The following SNRNP40 variants were observed in gnomAD, a reference collection of about 807,000 sequenced individuals.
SNRNP40 encodes the protein small nuclear ribonucleoprotein U5 subunit 40.
SNRNP40 carries 21 observed loss-of-function variants against 45.8 expected under a neutral mutation model. The observed-to-expected ratio is 0.46, with a 90% CI of 0.32 to 0.66. The LOEUF (loss-of-function observed/expected upper bound fraction) is 0.66. Among genes scored for constraint, SNRNP40 ranks in the 30% least tolerant of loss-of-function variants. SNRNP40 has a pLI of 0.03. For synonymous variants in SNRNP40, 142 were observed against 163.8 expected (o/e 0.87, Z 1.01); for missense variants, 344 against 439.1 (o/e 0.78, Z 1.94).
chr1:31,259,619 T>C lies in SNRNP40; in HGVS notation c.*453A>G. ...GTGGCCACATCATGCTCTATTCTGATTTATAGCAATCAAGCCTCAAAAAAA... is the reference window on the plus strand; with the variant it reads ...GTGGCCACATCATGCTCTATTCTGACTTATAGCAATCAAGCCTCAAAAAAA... On this transcript the variant is annotated 3_prime_UTR_variant, in exon 10 of 10. Transcript: ENST00000263694. The C allele has an allele frequency of 2.6e-6, 1 of 387,948 alleles. No individual in the cohort carries two copies. The highest frequency in any genetic ancestry group is 4.9e-6 in the Non-Finnish European group (1 of 202,808). 24.0% of individuals were successfully genotyped at this position (387,948 alleles called of 1,614,324 possible). A position where few individuals can be genotyped will look rare whatever the true frequency, so the allele number is the denominator to read the frequency against.
Position 31,275,289 on chromosome 1 carries a change from C to A in SNRNP40, c.655-3790G>T, listed in dbSNP as rs547433743. 2.6e-4 allele frequency among the ~76,000 whole-genome samples: 40 copies of A among 152,248 alleles called. 1 individual carries two copies. In the South Asian group the frequency reaches 4.8e-3, roughly 18 times the overall value. Reference sequence around the variant, plus strand: ...CTGAGTCTTTCTGATTGAAAAGGAGCCTCTCCTTTGCATGTTTAAAGAAAT... The same window carrying A: ...CTGAGTCTTTCTGATTGAAAAGGAGACTCTCCTTTGCATGTTTAAAGAAAT... On this transcript the variant is annotated intron_variant, in intron 5 of 9. Coordinates refer to ENST00000263694, the MANE Select transcript of SNRNP40 (RefSeq NM_004814.3).
chr1:31,286,721 A>G (rs1022406958), intron 4 of SNRNP40, among the ~76,000 whole-genome samples: 1 of 152,088 alleles, frequency 6.6e-6, no homozygotes, highest in Non-Finnish European at 1.5e-5. Context: ...CACACTGGTT[A>G]CCTACCCTGT....
intron 4 of SNRNP40, among the ~76,000 whole-genome samples, chr1:31,285,317 C>T (rs951620899): frequency 6.6e-6 from 1 of 151,278 alleles, no homozygotes; most frequent in Non-Finnish European, 1.5e-5. Flanking sequence ...GATCTCCGCT[C>T]ACTGCAACCT....
rs748966267 is a variant in SNRNP40 at position 31,261,502 on chromosome 1, C to CTT, written c.1024+25_1024+26dup. 3 of 1,481,038 alleles carry CTT rather than the reference C, an allele frequency of 2.0e-6. No individual in the cohort carries two copies. The Admixed American group carries it at 5.0e-5, about 25-fold the overall frequency. The allele number at this position is 1,481,038 out of a possible 1,614,324, so 91.7% of individuals were successfully genotyped here. A position where few individuals can be genotyped will look rare whatever the true frequency, so the allele number is the denominator to read the frequency against. On this transcript the variant is annotated intron_variant, in intron 9 of 9. Transcript: ENST00000263694. ...CCCTACGGGGAGATTTCCAGTTTCC[C>CTT]TTTCCCCCTCGTTGGGACAGACTTA...
intron 9 of SNRNP40, chr1:31,260,857 C>G: frequency 5.6e-6 from 3 of 531,308 alleles, no homozygotes; most frequent in Non-Finnish European, 7.2e-6. Context: ...GAGTGAGACT[C>G]TGTCTCAAAA....
intron 8 of SNRNP40, among the ~76,000 whole-genome samples, chr1:31,265,419 T>G (rs1645889196): frequency 6.6e-6 from 1 of 151,946 alleles, no homozygotes; most frequent in African/African-American, 2.4e-5. Context: ...TGTGCACCAT[T>G]GACCACATGT....
chr1:31,276,389 G>A (rs542512660), intron 5 of SNRNP40, among the ~76,000 whole-genome samples: 12 of 152,026 alleles, frequency 7.9e-5, no homozygotes, highest in African/African-American at 2.9e-4. Context: ...GCAAAAAAAT[G>A]GAAAGGAAAA....
At chr1:31,281,532 C>A in intron 4 of SNRNP40, 36 bp from the exon 5 acceptor site, 1 of 1,572,320 alleles carries the variant, frequency 6.4e-7, no homozygotes, top group East Asian at 2.3e-5. Flanking sequence ...TCAGCAACAT[C>A]ATTCTAAGAA....
intron 5 of SNRNP40, among the ~76,000 whole-genome samples, chr1:31,273,575 G>A (rs1645953729): frequency 6.6e-6 from 1 of 151,268 alleles, no homozygotes; most frequent in Non-Finnish European, 1.5e-5. Context: ...GGGAGGCGGA[G>A]GCTGCAGTGA....
intron 1 of SNRNP40, among the ~76,000 whole-genome samples, chr1:31,295,368 G>A (rs1646139240): frequency 6.6e-6 from 1 of 152,104 alleles, no homozygotes; most frequent in Admixed American, 6.5e-5. Flanking sequence ...GAGAGAGAGA[G>A]AAGCAATGTG....
chr1:31,261,139 G>A (rs909565569), intron 9 of SNRNP40: 30 of 569,630 alleles, frequency 5.3e-5, no homozygotes, highest in Non-Finnish European at 8.4e-5. Context: ...TCAGGAGTTC[G>A]TGACCACCCT....
At chr1:31,260,146 A>C in intron 9 of SNRNP40, 25 bp from the exon 10 acceptor site, 1 of 1,533,318 alleles carries the variant, frequency 6.5e-7, no homozygotes, top group Non-Finnish European at 8.8e-7. Flanking sequence ...ACAGATAACT[A>C]GAAATAATGA....
Position 31,259,982 on chromosome 1 carries a change from G to C in SNRNP40, c.*90C>G, listed in dbSNP as rs1292261876. Reference sequence around the variant, plus strand: ...GCTAGCAATGGTCATCTGAAGGGAGGGTGCTAGCCTGGACATCCAACATTT... The same window carrying C: ...GCTAGCAATGGTCATCTGAAGGGAGCGTGCTAGCCTGGACATCCAACATTT... On this transcript the variant is annotated 3_prime_UTR_variant, in exon 10 of 10. Coordinates refer to ENST00000263694, the MANE Select transcript of SNRNP40 (RefSeq NM_004814.3). 3.2e-6 allele frequency: 3 copies of C among 927,850 alleles called. No homozygotes were observed. The highest frequency in any genetic ancestry group is 3.6e-6 in the Non-Finnish European group (2 of 556,938). 57.5% of individuals were successfully genotyped at this position (927,850 alleles called of 1,614,324 possible).
intron 4 of SNRNP40, among the ~76,000 whole-genome samples, chr1:31,286,787 C>G (rs911159682): frequency 6.6e-6 from 1 of 152,146 alleles, no homozygotes; most frequent in Non-Finnish European, 1.5e-5. Flanking sequence ...ACTGCCCTGC[C>G]CAGTGTGGAT....
intron 1 of SNRNP40, among the ~76,000 whole-genome samples, chr1:31,293,959 AT>A (rs1313157037): frequency 2.0e-5 from 3 of 151,652 alleles, no homozygotes; most frequent in Middle Eastern, 6.8e-3. Flanking sequence ...TTTATTTTTA[AT>A]TTTTTTTGTG....
intron 5 of SNRNP40, among the ~76,000 whole-genome samples, chr1:31,277,949 C>T (rs973330835): frequency 6.6e-6 from 1 of 152,202 alleles, no homozygotes; most frequent in African/African-American, 2.4e-5. Context: ...CCTGCCTTGG[C>T]CTCTCAAAGT....
Position 31,289,381 on chromosome 1 carries a change from A to G in SNRNP40, c.404T>C (p.Val135Ala), listed in dbSNP as rs11550441. 2 of 1,614,064 alleles carry G rather than the reference A, an allele frequency of 1.2e-6. No individual in the cohort carries two copies. The highest frequency in any genetic ancestry group is 1.7e-6 in the Non-Finnish European group (2 of 1,179,980). Residue 135 changes from valine to alanine, a missense_variant, in exon 4 of 10, where the codon GTG becomes GCG. Physicochemically the swap from Val to Ala is moderately conservative, Grantham distance 64. Around this residue, in one of 2 missense-constraint regions of SNRNP40, gnomAD observed 254 missense variants for 380.2 expected, o/e 0.67. Coordinates refer to ENST00000263694, the MANE Select transcript of SNRNP40 (RefSeq NM_004814.3). Reference sequence around the variant, plus strand: ...CCTCTCACCTGTTTCACTATCCCACACAGCCACGGTTTTATCTGTGGATGC... The same window carrying G: ...CCTCTCACCTGTTTCACTATCCCACGCAGCCACGGTTTTATCTGTGGATGC... ...FSASTDKTVA[V>A]WDSETGERVK...
chr1:31,271,579 T>G, intron 5 of SNRNP40, 80 bp from the exon 6 acceptor site: 1 of 1,371,758 alleles, frequency 7.3e-7, no homozygotes, highest in Non-Finnish European at 1.0e-6. Flanking sequence ...CAAGAGTCAA[T>G]TGCCCAGAGA....
At chr1:31,263,674 G>A (rs1184407577) in intron 8 of SNRNP40, 4 of 441,324 alleles carry the variant, frequency 9.1e-6, no homozygotes, top group Non-Finnish European at 1.8e-5. Flanking sequence ...CTGTATAACT[G>A]ATATGATATG....
Sources: gnomAD v4.1 joint callset for allele counts (sites outside exome capture counted in the v4.1 genomes callset) on GRCh38, gnomAD v4.1.1 for gene constraint, gnomAD v4.1.1 regional missense constraint, MANE v1.5 for transcripts, NCBI Gene and HGNC (gene_info 2026-07-23, HGNC 2026-07-21) for gene names.